Variants in GRK4 observed in about 807,000 individuals in gnomAD.
GRK4 encodes G protein-coupled receptor kinase 4.
Under a neutral mutation model 77.9 loss-of-function variants are expected in GRK4, and 73 were observed. The ratio of observed to expected loss-of-function variants is 0.94; its 90% CI spans 0.78 to 1.14. The LOEUF is 1.14. Ranked by LOEUF, GRK4 falls within the 50% of genes most tolerant of loss-of-function variation. The pLI, the probability that GRK4 is intolerant of heterozygous loss-of-function variation, is 0.00. For synonymous variants in GRK4, 257 were observed against 254.4 expected (o/e 1.01, Z -0.10); for missense variants, 729 against 700.2 (o/e 1.04, Z -0.46).
chr4:3,003,060 G>A (rs763111927), intron 4 of GRK4, among the ~76,000 whole-genome samples: 14 of 152,186 alleles, frequency 9.2e-5, no homozygotes, highest in Admixed American at 2.0e-4. Flanking sequence ...GAAATTCTGC[G>A]TCCATTCAAC....
chr4:3,033,894 G>T (rs944544170), intron 12 of GRK4, among the ~76,000 whole-genome samples: 1 of 152,112 alleles, frequency 6.6e-6, no homozygotes, highest in Admixed American at 6.6e-5. Context: ...CTTCACATCC[G>T]TTTTAAATTA....
chr4:3,002,683 A>G (rs545962763), intron 4 of GRK4, among the ~76,000 whole-genome samples: 35 of 152,174 alleles, frequency 2.3e-4, no homozygotes, highest in African/African-American at 7.9e-4. Context: ...AGCCTGGACC[A>G]CAGAACAAGA....
At chr4:3,038,643 G>T (rs901355972) in intron 15 of GRK4, 130 bp downstream of exon 15, 9 of 955,730 alleles carry the variant, frequency 9.4e-6, no homozygotes, top group Non-Finnish European at 1.4e-5. Flanking sequence ...TACAGTCTGA[G>T]AGCCACATGG....
At position 2,963,822 on chromosome 4, in the gene GRK4, C is replaced by T; in HGVS notation, c.-249C>T. ...CGCGGCAGCGGTGACAGCTGGGACC[C>T]GCCGCGGTCGGGCTGCCCCCTCCCC... On this transcript the variant is annotated 5_prime_UTR_variant, in exon 1 of 16. Transcript: ENST00000398052. 1 of 550,594 alleles carries T rather than the reference C, an allele frequency of 1.8e-6. No homozygotes were observed. The highest frequency in any genetic ancestry group is 2.2e-5 in the South Asian group (1 of 45,112). The allele number at this position is 550,594 out of a possible 1,614,324, so 34.1% of individuals were successfully genotyped here.
rs1202005325 is a variant in GRK4 at position 3,001,219 on chromosome 4, ATG to A, written c.340-3010_340-3009del. Among the ~76,000 whole-genome samples the A allele has an allele frequency of 7.6e-5, 11 of 145,276 alleles. 1 individual carries two copies. The highest frequency in any genetic ancestry group is 2.5e-4 in the African/African-American group (10 of 39,318). On this transcript the variant is annotated intron_variant, in intron 4 of 15. Transcript: ENST00000398052. ...TGTATATATGTGTATGTGTATATAT[ATG>A]TATATATGTGTATGTGTATATATAT...
At chr4:2,992,127 C>T (rs1011495279) in intron 3 of GRK4, 88 bp from the exon 4 acceptor site, 32 of 850,798 alleles carry the variant, frequency 3.8e-5, no homozygotes, top group African/African-American at 1.7e-4. Context: ...ATCCTCCCAA[C>T]CTCAGCGTCC....
At chr4:3,040,157 CT>C (rs1256125870) in intron 15 of GRK4, among the ~76,000 whole-genome samples, 1 of 152,106 alleles carries the variant, frequency 6.6e-6, no homozygotes, top group Non-Finnish European at 1.5e-5. Flanking sequence ...TAGCAGCCCC[CT>C]GGCCGGGCAC....
At chr4:3,012,876 C>A (rs116589966) in intron 7 of GRK4, among the ~76,000 whole-genome samples, 1,648 of 152,182 alleles carry the variant, frequency 0.011, 21 homozygotes, top group African/African-American at 0.035. Context: ...CGCGGTGGCT[C>A]ACACCTGTTA....
chr4:3,009,638 C>T lies in GRK4; in HGVS notation c.537-10C>T. Reference sequence around the variant, plus strand: ...TGTGAGACCTGAAACTTGTTTTTCTCATTGATTAGGCAACCCGTAACAAAG... The same window carrying T: ...TGTGAGACCTGAAACTTGTTTTTCTTATTGATTAGGCAACCCGTAACAAAG... On this transcript the variant is annotated splice_polypyrimidine_tract_variant and intron_variant, in intron 6 of 15. Transcript: ENST00000398052. 3 of 1,610,844 alleles carry T rather than the reference C, an allele frequency of 1.9e-6. No homozygotes were observed. Among genetic ancestry groups the T allele is most frequent in the Non-Finnish European group, 2.5e-6 (3 of 1,177,644 alleles).
Position 3,013,764 on chromosome 4 carries a change from G to A in GRK4, c.677G>A (p.Arg226Lys). 4.3e-6 allele frequency: 7 copies of A among 1,613,596 alleles called. No individual in the cohort carries two copies. Among genetic ancestry groups the A allele is most frequent in the Non-Finnish European group, 5.1e-6 (6 of 1,179,826 alleles). ...KKLQKKRIKK[R>K]KGEAMALNEK... ...CTACAAAAAAAAAGAATAAAGAAGAGGAAAGGTGAAGCTATGGCTCTAAAT... is the reference window on the plus strand; with the variant it reads ...CTACAAAAAAAAAGAATAAAGAAGAAGAAAGGTGAAGCTATGGCTCTAAAT... The change falls in exon 8 of 16, where the codon AGG becomes AAG. Residue 226 changes from arginine (R) to lysine (K), a missense_variant. Physicochemically the swap from Arg to Lys is conservative, Grantham distance 26. Transcript: ENST00000398052.
At position 2,988,950 on chromosome 4, in the gene GRK4, T is replaced by C. The variant is rs983320852; in HGVS notation, c.261+111T>C. On this transcript the variant is annotated intron_variant, in intron 3 of 15. Transcript: ENST00000398052. ...CTGTAATCCCAGCATTTTGGAAGGC[T>C]GAGGCGGGCGGATCATGAGGTCAGG... 828 of 676,814 alleles carry C rather than the reference T, an allele frequency of 1.2e-3. 4 individuals carry two copies. Among genetic ancestry groups the C allele is most frequent in the African/African-American group, 6.0e-4 (34 of 56,514 alleles). The allele number at this position is 676,814 out of a possible 1,614,324, so 41.9% of individuals were successfully genotyped here.
chr4:3,021,937 G>A (rs1202726505), intron 9 of GRK4, among the ~76,000 whole-genome samples: 1 of 152,124 alleles, frequency 6.6e-6, no homozygotes, highest in African/African-American at 2.4e-5. Flanking sequence ...CCATCAGTAG[G>A]TATCACTAAG....
chr4:2,969,899 A>G (rs2153997), intron 1 of GRK4, among the ~76,000 whole-genome samples: 34,059 of 151,484 alleles, frequency 0.22, 4,581 homozygotes, highest in Non-Finnish European at 0.29. Context: ...CTAGTCTGGA[A>G]CCCCTGGACT....
intron 1 of GRK4, among the ~76,000 whole-genome samples, chr4:2,977,573 T>C (rs1013962584): frequency 6.6e-6 from 1 of 152,204 alleles, no homozygotes; most frequent in Non-Finnish European, 1.5e-5. Context: ...TTCATTTCCA[T>C]AAAAGCCACG....
At chr4:3,018,679 A>G (rs1486734259) in intron 8 of GRK4, among the ~76,000 whole-genome samples, 1 of 152,184 alleles carries the variant, frequency 6.6e-6, no homozygotes, top group East Asian at 1.9e-4. Context: ...GGAGTTTGAG[A>G]TCAGCCTGGC....
intron 8 of GRK4, among the ~76,000 whole-genome samples, chr4:3,018,403 G>A (rs920670913): frequency 6.6e-6 from 1 of 152,164 alleles, no homozygotes. Flanking sequence ...GTGAGGTGGT[G>A]TGCACCTGTA....
intron 7 of GRK4, among the ~76,000 whole-genome samples, chr4:3,011,601 C>A (rs1732940897): frequency 6.6e-6 from 1 of 152,154 alleles, no homozygotes; most frequent in Non-Finnish European, 1.5e-5. Context: ...TCAGTCAAGG[C>A]CCAGAGGCAG....
At chr4:3,005,314 A>G (rs1388155200) in intron 5 of GRK4, among the ~76,000 whole-genome samples, 2 of 151,900 alleles carry the variant, frequency 1.3e-5, no homozygotes, top group Non-Finnish European at 2.9e-5. Flanking sequence ...AGCAGATGAC[A>G]TATGCATTGT....
rs141345693 is a variant in GRK4 at position 2,968,279 on chromosome 4, T to G, written c.52+4157T>G. ...GAGAGGAATACGTAATACGTGCATT[T>G]AATGTGGGTTTTGGTCTTATATATT... On this transcript the variant is annotated intron_variant, in intron 1 of 15. Coordinates refer to ENST00000398052, the MANE Select transcript of GRK4 (RefSeq NM_182982.3). Among the ~76,000 whole-genome samples, 9 of 152,316 alleles carry G rather than the reference T, an allele frequency of 5.9e-5. 2 individuals carry two copies. The East Asian group carries it at 1.7e-3, about 29-fold the overall frequency.
Sources: allele counts gnomAD v4.1 joint callset (sites outside exome capture counted in the v4.1 genomes callset), GRCh38; gene constraint gnomAD v4.1.1; transcripts MANE v1.5; gene names NCBI Gene and HGNC (gene_info 2026-07-23, HGNC 2026-07-21).